Variants in PCDHA5 observed in about 807,000 individuals in gnomAD.
The protein encoded by PCDHA5 is protocadherin alpha-5.
A neutral mutation model predicts 61.6 loss-of-function variants in PCDHA5; 43 were observed. The ratio of observed to expected loss-of-function variants is 0.70; its 90% CI spans 0.55 to 0.90. PCDHA5 has a LOEUF of 0.90. Ranked by LOEUF, PCDHA5 falls within the 40% of genes least tolerant of loss-of-function variation. The pLI, the probability that PCDHA5 is intolerant of heterozygous loss-of-function variation, is 0.00. For synonymous variants in PCDHA5, 627 were observed against 543.9 expected, an observed-to-expected ratio of 1.15 and a Z score of -2.13; for missense variants, 1,298 against 1,222.7, an observed-to-expected ratio of 1.06 and a Z score of -0.92.
chr5:140,897,383 C>T (rs1554187365), intron 1 of PCDHA5, among the ~76,000 whole-genome samples: 1 of 143,902 alleles, frequency 6.9e-6, no homozygotes, highest in African/African-American at 2.6e-5. Flanking sequence ...CTTCCCCTTC[C>T]TGTGTCCATG....
chr5:140,928,533 T>C (rs112671808), intron 1 of PCDHA5: 1 of 1,614,230 alleles, frequency 6.2e-7, no homozygotes, highest in African/African-American at 1.3e-5. Flanking sequence ...TTGTGGTAGA[T>C]AGGAATGACA....
At chr5:140,839,602 C>T (rs1330709699) in intron 1 of PCDHA5, among the ~76,000 whole-genome samples, 1 of 151,960 alleles carries the variant, frequency 6.6e-6, no homozygotes. Context: ...GTTGCCCAGG[C>T]TGGTCTCAAA....
At chr5:140,967,239 G>C in intron 1 of PCDHA5, 1 of 1,613,672 alleles carries the variant, frequency 6.2e-7, no homozygotes, top group Non-Finnish European at 8.5e-7. Flanking sequence ...CTTCAGGTAA[G>C]CGAATCGGTG....
chr5:140,882,156 A>C (rs1582595846), intron 1 of PCDHA5: 2 of 1,504,204 alleles, frequency 1.3e-6, no homozygotes, highest in Non-Finnish European at 1.8e-6. Flanking sequence ...AAAGCGGAAT[A>C]CCTCTTGCGA....
Position 141,010,486 on chromosome 5 carries a change from A to C in PCDHA5, c.*549A>C. 1 of 674,072 alleles carries C rather than the reference A, an allele frequency of 1.5e-6. No individual in the cohort carries two copies. Among genetic ancestry groups the C allele is most frequent in the Non-Finnish European group, 2.3e-6 (1 of 434,544 alleles). The allele number at this position is 674,072 out of a possible 1,614,324, so 41.8% of individuals were successfully genotyped here. On this transcript the variant is annotated 3_prime_UTR_variant, in exon 4 of 4. Transcript: ENST00000529859. ...GTATGGAGGGGAAGTGTAAACTTAAAGGGACCAGACTTTCTAAATCTTACA... is the reference window on the plus strand; with the variant it reads ...GTATGGAGGGGAAGTGTAAACTTAACGGGACCAGACTTTCTAAATCTTACA...
intron 3 of PCDHA5, among the ~76,000 whole-genome samples, chr5:140,997,598 TG>T (rs1182118908): frequency 6.6e-5 from 10 of 152,124 alleles, no homozygotes; most frequent in Admixed American, 2.0e-4. Context: ...AACATGATTA[TG>T]GGGCGCATGA....
At position 140,964,709 on chromosome 5, in the gene PCDHA5, A is replaced by G. The variant is rs115609419; in HGVS notation, c.2353-14240A>G. On this transcript the variant is annotated intron_variant, in intron 1 of 3. Coordinates refer to ENST00000529859, the MANE Select transcript of PCDHA5 (RefSeq NM_018908.3). ...CACTTGAGAGATTAAGGCCTCCGAG[A>G]TCAAATTACCACAGCAAACTGAGAC... is the stretch of plus-strand genomic sequence containing the variant. Among the ~76,000 whole-genome samples the G allele has an allele frequency of 4.5e-3, 689 of 152,134 alleles. 3 individuals are homozygous for G. Among genetic ancestry groups the G allele is most frequent in the African/African-American group, 0.016 (667 of 41,492 alleles).
intron 1 of PCDHA5, among the ~76,000 whole-genome samples, chr5:140,905,904 C>T (rs2072197856): frequency 6.6e-6 from 1 of 152,160 alleles, no homozygotes; most frequent in African/African-American, 2.4e-5. Context: ...AGCTGAGGAG[C>T]AAGGAATCCA....
intron 3 of PCDHA5, among the ~76,000 whole-genome samples, chr5:140,998,369 C>T (rs530777656): frequency 1.3e-5 from 2 of 152,210 alleles, no homozygotes; most frequent in South Asian, 2.1e-4. Context: ...CTGCACACAC[C>T]GTCTCTAGAA....
At chr5:140,871,802 T>G (rs2053316499) in intron 1 of PCDHA5, among the ~76,000 whole-genome samples, 1 of 152,178 alleles carries the variant, frequency 6.6e-6, no homozygotes, top group South Asian at 2.1e-4. Context: ...TAATTACTAT[T>G]TTCACTAAAG....
intron 1 of PCDHA5, chr5:140,848,620 G>T (rs2150415241): frequency 6.3e-7 from 1 of 1,593,518 alleles, no homozygotes; most frequent in Non-Finnish European, 8.6e-7. Context: ...GCCGAACACG[G>T]CACCTTCGTG....
At chr5:140,884,603 T>A in intron 1 of PCDHA5, 4 of 1,614,132 alleles carry the variant, frequency 2.5e-6, no homozygotes, top group Non-Finnish European at 3.4e-6. Flanking sequence ...CCTTCCTCCT[T>A]GTCTGGGTTC....
chr5:140,901,466 C>T (rs782517412), intron 1 of PCDHA5, among the ~76,000 whole-genome samples: 3 of 152,062 alleles, frequency 2.0e-5, no homozygotes, highest in Admixed American at 6.5e-5. Flanking sequence ...TGTCTTTTCT[C>T]GAGTTTATGT....
At chr5:140,828,000 C>A (rs1769482797) in intron 1 of PCDHA5, 30 of 1,490,872 alleles carry the variant, frequency 2.0e-5, no homozygotes, top group Non-Finnish European at 2.6e-5. Flanking sequence ...ATGGCGGACG[C>A]AGAAGAAATG....
rs144442302 is a variant in PCDHA5, at chr5:140,850,848, C to A, written c.2352+26721C>A. On this transcript the variant is annotated intron_variant, in intron 1 of 3. Coordinates refer to ENST00000529859, the MANE Select transcript of PCDHA5 (RefSeq NM_018908.3). ...TTCTCCTTGTGCTGGATCTACAGAG[C>A]GAACGGGAGAACCCTCTGCTTCCTC... is the stretch of plus-strand genomic sequence containing the variant. The A allele has an allele frequency of 1.4e-5, 23 of 1,596,174 alleles. 3 individuals are homozygous for A. In the Middle Eastern group the frequency reaches 5.0e-4, roughly 35 times the overall value.
At chr5:140,871,265 G>C in intron 1 of PCDHA5, 1 of 1,613,978 alleles carries the variant, frequency 6.2e-7, no homozygotes, top group South Asian at 1.1e-5. Flanking sequence ...ACGGCGCTGT[G>C]GTGGTCGGCA....
chr5:140,966,486 C>G (rs1563351032), intron 1 of PCDHA5: 1 of 432,846 alleles, frequency 2.3e-6, no homozygotes. Context: ...CTTTTCCCTC[C>G]CCCTGGAGCT....
chr5:140,938,761 G>A (rs1414324125), intron 1 of PCDHA5, among the ~76,000 whole-genome samples: 5 of 151,992 alleles, frequency 3.3e-5, no homozygotes, highest in Non-Finnish European at 7.4e-5. Flanking sequence ...CATAGTTATT[G>A]GGTACTAGAC....
intron 1 of PCDHA5, among the ~76,000 whole-genome samples, chr5:140,971,573 CT>C (rs1203027280): frequency 6.6e-6 from 1 of 152,110 alleles, no homozygotes; most frequent in African/African-American, 2.4e-5. Flanking sequence ...GTTGGGCTTT[CT>C]TTTTTTCCTA....
Sources: allele counts gnomAD v4.1 joint callset (sites outside exome capture counted in the v4.1 genomes callset), GRCh38; gene constraint gnomAD v4.1.1; transcripts MANE v1.5; gene names NCBI Gene and HGNC (gene_info 2026-07-23, HGNC 2026-07-21).